The following COL21A1 variants were observed in gnomAD, a reference collection of about 807,000 sequenced individuals.
The protein encoded by COL21A1 is collagen type XXI alpha 1 chain.
In COL21A1, 149 loss-of-function variants were observed where a neutral mutation model predicts 137.9. The ratio of observed to expected loss-of-function variants is 1.08; its 90% CI spans 0.95 to 1.24. The LOEUF (loss-of-function observed/expected upper bound fraction) is 1.24. Among genes scored for constraint, COL21A1 ranks in the 50% most tolerant of loss-of-function variants. The pLI is 0.00. For synonymous variants in COL21A1, 456 were observed against 391.5 expected, an observed-to-expected ratio of 1.16 and a Z score of -1.95; for missense variants, 1,167 against 1,158.4, an observed-to-expected ratio of 1.01 and a Z score of -0.11.
At chr6:56,315,371 T>G (rs1764707709) in intron 1 of COL21A1, among the ~76,000 whole-genome samples, 2 of 152,212 alleles carry the variant, frequency 1.3e-5, no homozygotes, top group Admixed American at 1.3e-4. Flanking sequence ...CGGCCAAGGA[T>G]GACAGCTACA....
At chr6:56,271,531 T>A (rs904117775) in intron 1 of COL21A1, among the ~76,000 whole-genome samples, 1 of 152,240 alleles carries the variant, frequency 6.6e-6, no homozygotes, top group Non-Finnish European at 1.5e-5. Context: ...GACTATGTGG[T>A]AGAAAATAAA....
intron 10 of COL21A1, among the ~76,000 whole-genome samples, chr6:56,145,693 T>G (rs772006290): frequency 6.6e-6 from 1 of 152,078 alleles, no homozygotes; most frequent in Non-Finnish European, 1.5e-5. Context: ...ATTTTAGAAC[T>G]GTAACTTTCC....
At chr6:56,342,556 T>C (rs535431807) in intron 1 of COL21A1, among the ~76,000 whole-genome samples, 2 of 152,332 alleles carry the variant, frequency 1.3e-5, no homozygotes, top group South Asian at 4.1e-4. Context: ...TTATGCTTTA[T>C]ATAACATGTT....
chr6:56,309,303 G>T (rs1764548979), intron 1 of COL21A1, among the ~76,000 whole-genome samples: 1 of 152,182 alleles, frequency 6.6e-6, no homozygotes, highest in African/African-American at 2.4e-5. Context: ...CTCCCAAAGT[G>T]CTGGGATTAC....
rs550848044 is a variant in COL21A1 at position 56,220,221 on chromosome 6, G to A, written c.-39+27166C>T. On this transcript the variant is annotated intron_variant, in intron 1 of 29. Coordinates refer to ENST00000244728, the MANE Select transcript of COL21A1 (RefSeq NM_030820.4). The stretch of plus-strand genomic sequence containing the variant: ...CAATTAATGTCATGTTATATGGAGA[G>A]ATAAATGGCAGGCCAGCCAGGACTT... Among the ~76,000 whole-genome samples, 9 of 152,196 alleles carry A rather than the reference G, an allele frequency of 5.9e-5. No homozygotes were observed. The East Asian group carries it at 1.7e-3, about 29-fold the overall frequency.
intron 1 of COL21A1, among the ~76,000 whole-genome samples, chr6:56,268,958 A>G (rs1346424541): frequency 2.6e-5 from 4 of 152,222 alleles, no homozygotes; most frequent in Non-Finnish European, 5.9e-5. Flanking sequence ...AAAATTTACC[A>G]CAAGAATTTC....
intron 1 of COL21A1, among the ~76,000 whole-genome samples, chr6:56,190,531 T>C (rs1778596023): frequency 1.3e-5 from 2 of 152,198 alleles, no homozygotes; most frequent in African/African-American, 4.8e-5. Flanking sequence ...GCTGGTATCA[T>C]TCCTTCTGAA....
At chr6:56,178,999 A>T (rs907151572) in intron 3 of COL21A1, among the ~76,000 whole-genome samples, 9 of 151,380 alleles carry the variant, frequency 5.9e-5, no homozygotes, top group Non-Finnish European at 1.2e-4. Flanking sequence ...AATAAACTAA[A>T]TGTACAAAAA....
intron 1 of COL21A1, among the ~76,000 whole-genome samples, chr6:56,206,899 A>C (rs1489587719): frequency 6.6e-6 from 1 of 151,828 alleles, no homozygotes; most frequent in Non-Finnish European, 1.5e-5. Context: ...TCAAAACTGC[A>C]CAACTACTTG....
At chr6:56,261,130 G>C (rs1426869979) in intron 1 of COL21A1, among the ~76,000 whole-genome samples, 3 of 151,808 alleles carry the variant, frequency 2.0e-5, no homozygotes, top group Non-Finnish European at 4.4e-5. Context: ...CTGTGAAGCC[G>C]TGACCTCTCA....
At chr6:56,318,582 T>C (rs2152340907) in intron 1 of COL21A1, among the ~76,000 whole-genome samples, 1 of 152,184 alleles carries the variant, frequency 6.6e-6, no homozygotes, top group Middle Eastern at 3.4e-3. Flanking sequence ...CTCTACCCAC[T>C]TATCCTCCAT....
At chr6:56,068,456 T>C (rs1766452253) in intron 22 of COL21A1, among the ~76,000 whole-genome samples, 1 of 151,042 alleles carries the variant, frequency 6.6e-6, no homozygotes, top group South Asian at 2.1e-4. Context: ...TACATACAAG[T>C]CAAGTTTCCC....
chr6:56,314,333 T>C (rs1764681661), intron 1 of COL21A1, among the ~76,000 whole-genome samples: 1 of 152,306 alleles, frequency 6.6e-6, no homozygotes, highest in South Asian at 2.1e-4. Flanking sequence ...AAAGGGTATA[T>C]ATCTTCTCCT....
intron 1 of COL21A1, among the ~76,000 whole-genome samples, chr6:56,289,345 T>C (rs1202228912): frequency 6.6e-6 from 1 of 152,176 alleles, no homozygotes; most frequent in Non-Finnish European, 1.5e-5. Context: ...GTACATAACA[T>C]CTAAGGGTTC....
intron 1 of COL21A1, among the ~76,000 whole-genome samples, chr6:56,284,231 T>C (rs1223600533): frequency 6.6e-6 from 1 of 152,022 alleles, no homozygotes; most frequent in African/African-American, 2.4e-5. Context: ...TATTTTCTAC[T>C]TTTGGTAGAG....
At chr6:56,328,408 T>C (rs1765146937) in intron 1 of COL21A1, among the ~76,000 whole-genome samples, 1 of 152,128 alleles carries the variant, frequency 6.6e-6, no homozygotes, top group Non-Finnish European at 1.5e-5. Flanking sequence ...TAAGACATAC[T>C]TCCCCATCAC....
intron 1 of COL21A1, among the ~76,000 whole-genome samples, chr6:56,269,649 C>T (rs567007357): frequency 3.7e-4 from 37 of 100,750 alleles, no homozygotes; most frequent in East Asian, 1.0e-3. Context: ...AGCGAGACTC[C>T]GTCTCAAAAA....
At chr6:56,372,801 T>C (rs1160020617) in intron 1 of COL21A1, among the ~76,000 whole-genome samples, 1 of 152,206 alleles carries the variant, frequency 6.6e-6, no homozygotes, top group Non-Finnish European at 1.5e-5. Context: ...GGAAGGTGGC[T>C]GTTGTAATGG....
intron 19 of COL21A1, 58 bp downstream of exon 19, chr6:56,075,421 G>C: frequency 1.5e-6 from 2 of 1,327,322 alleles, no homozygotes; most frequent in Non-Finnish European, 2.1e-6. Flanking sequence ...TGAACTCCTA[G>C]TAGGTAGTAG....
Sources: allele counts gnomAD v4.1 joint callset (sites outside exome capture counted in the v4.1 genomes callset), GRCh38; gene constraint gnomAD v4.1.1; transcripts MANE v1.5; gene names NCBI Gene and HGNC (gene_info 2026-07-23, HGNC 2026-07-21).